Variants in SLC71A1 observed in about 807,000 individuals in gnomAD.
SLC71A1 encodes hippocampus abundant gene transcript 1.
the SLC71A1 span, chr1:100,079,856 C>T: frequency 6.6e-6 from 1 of 152,400 alleles, no homozygotes; most frequent in Non-Finnish European, 1.5e-5. Flanking sequence ...GCCTGGGCAA[C>T]AAGAGTGAAA....
At chr1:100,047,350 TGATA>T in the SLC71A1 span, among the ~76,000 whole-genome samples, 129 of 152,356 alleles carry the variant, frequency 8.5e-4, 1 homozygote, top group African/African-American at 2.5e-3. Context: ...TGTATCACCT[TGATA>T]GATTTATGTA....
the SLC71A1 span, chr1:100,078,525 G>A: frequency 3.7e-6 from 6 of 1,613,202 alleles, no homozygotes; most frequent in Admixed American, 1.7e-5. Flanking sequence ...CTTGTTTCAC[G>A]AACTGCTGAT....
the SLC71A1 span, among the ~76,000 whole-genome samples, chr1:100,041,966 G>A: frequency 1.3e-5 from 2 of 151,422 alleles, no homozygotes; most frequent in Non-Finnish European, 2.9e-5. Context: ...TTTCATGTAT[G>A]TAACATTCAG....
the SLC71A1 span, among the ~76,000 whole-genome samples, chr1:100,052,424 CTTTTTTTTTTT>C: frequency 8.4e-6 from 1 of 119,654 alleles, no homozygotes; most frequent in African/African-American, 3.7e-5. Flanking sequence ...TAATATATTC[CTTTTTTTTTTT>C]TTTTTTTTTT....
chr1:100,051,098 CA>C, the SLC71A1 span, among the ~76,000 whole-genome samples: 13 of 127,262 alleles, frequency 1.0e-4, no homozygotes, highest in East Asian at 2.3e-4. Context: ...AAAAAAAAAA[CA>C]AAAAAAAAAA....
At chr1:100,043,730 C>T in the SLC71A1 span, among the ~76,000 whole-genome samples, 1 of 152,210 alleles carries the variant, frequency 6.6e-6, no homozygotes, top group African/African-American at 2.4e-5. Context: ...CCCCCCCATC[C>T]TCAAAGTCCA....
At chr1:100,062,158 A>G in the SLC71A1 span, 185 of 442,390 alleles carry the variant, frequency 4.2e-4, no homozygotes, top group Non-Finnish European at 6.8e-4. Context: ...GTAGATATTC[A>G]TAAGTCACAT....
At chr1:100,045,244 GT>G in the SLC71A1 span, among the ~76,000 whole-genome samples, 1 of 151,414 alleles carries the variant, frequency 6.6e-6, no homozygotes, top group East Asian at 1.9e-4. Context: ...TAGGTGTTTT[GT>G]TTTTTTTGCA....
chr1:100,056,993 C>T, the SLC71A1 span, among the ~76,000 whole-genome samples: 1 of 152,182 alleles, frequency 6.6e-6, no homozygotes, highest in East Asian at 1.9e-4. Flanking sequence ...AGATCTTTTG[C>T]CCGTTTTTTA....
chr1:100,057,414 G>T, the SLC71A1 span, among the ~76,000 whole-genome samples: 1 of 150,234 alleles, frequency 6.7e-6, no homozygotes, highest in African/African-American at 2.5e-5. Flanking sequence ...GAGTGTGGTG[G>T]CACGATCTCA....
chr1:100,080,840 A>AT, the SLC71A1 span, among the ~76,000 whole-genome samples: 2 of 151,966 alleles, frequency 1.3e-5, no homozygotes, highest in Non-Finnish European at 2.9e-5. Context: ...GGCTGTGCAT[A>AT]TTTTTTTTCC....
At chr1:100,038,111 C>T in the SLC71A1 span, 1 of 858,668 alleles carries the variant, frequency 1.2e-6, no homozygotes, top group African/African-American at 1.7e-5. Flanking sequence ...AGGCCGGGCC[C>T]TCAAGATGGC....
the SLC71A1 span, among the ~76,000 whole-genome samples, chr1:100,044,752 A>G: frequency 6.6e-6 from 1 of 152,028 alleles, no homozygotes; most frequent in Non-Finnish European, 1.5e-5. Context: ...TACTGACCTT[A>G]GGTGATCCAC....
chr1:100,064,906 G>A, the SLC71A1 span, among the ~76,000 whole-genome samples: 1 of 151,794 alleles, frequency 6.6e-6, no homozygotes, highest in African/African-American at 2.4e-5. Context: ...TTCTTTTTGA[G>A]ACAGGGTCTC....
the SLC71A1 span, among the ~76,000 whole-genome samples, chr1:100,050,680 A>T: frequency 2.0e-5 from 3 of 152,220 alleles, no homozygotes; most frequent in African/African-American, 7.2e-5. Context: ...AGGTTTTTAT[A>T]AAAAAGTTAT....
chr1:100,079,135 T>C, the SLC71A1 span: 1 of 152,290 alleles, frequency 6.6e-6, no homozygotes, highest in East Asian at 1.9e-4. Flanking sequence ...AAGTTTTTGC[T>C]GTGTTGTGCT....
At chr1:100,072,430 A>T in the SLC71A1 span, among the ~76,000 whole-genome samples, 2 of 152,190 alleles carry the variant, frequency 1.3e-5, no homozygotes, top group East Asian at 3.9e-4. Context: ...TAGAGATTTT[A>T]TCTCTGTTTA....
the SLC71A1 span, among the ~76,000 whole-genome samples, chr1:100,055,260 T>C: frequency 6.6e-6 from 1 of 152,126 alleles, no homozygotes; most frequent in African/African-American, 2.4e-5. Context: ...TAAAAAGTTT[T>C]GAGATACTAG....
the SLC71A1 span, among the ~76,000 whole-genome samples, chr1:100,073,835 A>G: frequency 6.6e-6 from 1 of 152,178 alleles, no homozygotes; most frequent in Non-Finnish European, 1.5e-5. Flanking sequence ...AAGTCATTTA[A>G]CCTTTGGGAC....
Sources: gnomAD v4.1 joint callset for allele counts (sites outside exome capture counted in the v4.1 genomes callset) on GRCh38, gnomAD v4.1.1 for gene constraint, MANE v1.5 for transcripts, NCBI Gene and HGNC (gene_info 2026-07-23, HGNC 2026-07-21) for gene names.